The following LAMA2 variants were observed in gnomAD, a reference collection of about 807,000 sequenced individuals.
LAMA2 encodes laminin subunit alpha 2, also known as laminin subunit alpha-2.
LAMA2 carries 269 observed loss-of-function variants against 364.8 expected under a neutral mutation model. The ratio of observed to expected loss-of-function variants is 0.74; its 90% CI spans 0.67 to 0.82. LAMA2 has a LOEUF of 0.82. Among genes scored for constraint, LAMA2 ranks in the 40% least tolerant of loss-of-function variants. LAMA2 has a pLI of 0.00. For missense variants in LAMA2, 3,807 were observed against 3,873.2 expected (o/e 0.98, Z 0.45); for synonymous variants, 1,379 against 1,370.6 (o/e 1.01, Z -0.14).
rs761287964 is a variant in LAMA2, at chr6:129,407,521, G to A, written c.5865+3562G>A. Reference sequence around the variant, plus strand: ...GAAAGCAAATGAAGATATTTTCCTAGTACAAGTGTATACATGCACAAACAT... The same window carrying A: ...GAAAGCAAATGAAGATATTTTCCTAATACAAGTGTATACATGCACAAACAT... On this transcript the variant is annotated intron_variant, in intron 40 of 64. Coordinates refer to ENST00000421865, the MANE Select transcript of LAMA2 (RefSeq NM_000426.4). Among the ~76,000 whole-genome samples the A allele has an allele frequency of 1.5e-4, 23 of 152,176 alleles. 1 individual carries two copies. The highest frequency in any genetic ancestry group is 2.9e-4 in the Non-Finnish European group (20 of 68,032).
chr6:129,426,102 A>G (rs764676103), intron 40 of LAMA2, among the ~76,000 whole-genome samples: 49 of 152,116 alleles, frequency 3.2e-4, no homozygotes, highest in Non-Finnish European at 6.5e-4. Flanking sequence ...TTTTACCACA[A>G]TAAGGTTGGC....
chr6:129,333,946 C>A (rs544164363), intron 29 of LAMA2, among the ~76,000 whole-genome samples: 1 of 152,204 alleles, frequency 6.6e-6, no homozygotes, highest in Non-Finnish European at 1.5e-5. Context: ...TCTGAGGAAT[C>A]CCTAGATGAA....
At chr6:129,477,516 A>C (rs1309252620) in intron 53 of LAMA2, among the ~76,000 whole-genome samples, 1 of 152,168 alleles carries the variant, frequency 6.6e-6, no homozygotes, top group African/African-American at 2.4e-5. Context: ...AAGAACACTG[A>C]GTCTTGGAGA....
intron 8 of LAMA2, chr6:129,158,055 G>C: frequency 1.2e-6 from 2 of 1,612,324 alleles, no homozygotes; most frequent in Non-Finnish European, 1.7e-6. Flanking sequence ...AGCAATTGCG[G>C]GCTTTCCTTG....
chr6:129,025,257 A>AT (rs1450224029), intron 1 of LAMA2, among the ~76,000 whole-genome samples: 1 of 151,122 alleles, frequency 6.6e-6, no homozygotes, highest in Non-Finnish European at 1.5e-5. Context: ...GTTACAAAAA[A>AT]TTTTTTTTTT....
rs769282322 is a variant in LAMA2 at position 129,059,888 on chromosome 6, T to A, written c.388T>A (p.Leu130Ile). ...EYHYVTITLD[L>I]QQVFQIAYVI... ...CCATTATGTGACAATTACCCTGGAT[T>A]TACAGCAGGTATAGTTCCTCTTTTT... Residue 130 changes from leucine (L) to isoleucine (I), a missense_variant, in exon 3 of 65, where the codon TTA becomes ATA. Transcript: ENST00000421865. The A allele has an allele frequency of 2.0e-6, 3 of 1,507,442 alleles. No individual in the cohort carries two copies. The South Asian group carries it at 3.4e-5, about 17-fold the overall frequency. The allele number at this position is 1,507,442 out of a possible 1,614,324, so 93.4% of individuals were successfully genotyped here.
chr6:129,514,835 A>C (rs909466397), intron 64 of LAMA2, among the ~76,000 whole-genome samples: 1 of 152,180 alleles, frequency 6.6e-6, no homozygotes, highest in African/African-American at 2.4e-5. Context: ...CTTCGTGGAG[A>C]GATTGAAGCT....
intron 41 of LAMA2, 74 bp downstream of exon 41, chr6:129,427,928 T>G: frequency 1.1e-6 from 1 of 912,002 alleles, no homozygotes; most frequent in East Asian, 2.4e-5. Flanking sequence ...ATCACACTAT[T>G]GGAGAATGTA....
intron 12 of LAMA2, among the ~76,000 whole-genome samples, chr6:129,206,112 G>GGAAA (rs1355634863): frequency 2.1e-5 from 2 of 97,254 alleles, no homozygotes; most frequent in Non-Finnish European, 4.4e-5. Context: ...GAGGGAGGAA[G>GGAAA]GAAGGAAGGA....
At chr6:129,064,994 G>C (rs1444746302) in intron 3 of LAMA2, among the ~76,000 whole-genome samples, 2 of 152,130 alleles carry the variant, frequency 1.3e-5, no homozygotes, top group East Asian at 3.9e-4. Flanking sequence ...GATGAACATA[G>C]ATGCAAAACT....
chr6:129,244,723 G>A lies in LAMA2; in HGVS notation c.1783-5389G>A, dbSNP rs1224509289. Among the ~76,000 whole-genome samples, 4 of 151,636 alleles carry A rather than the reference G, an allele frequency of 2.6e-5. 1 individual carries two copies. The highest frequency in any genetic ancestry group is 3.4e-3 in the Middle Eastern group (1 of 294). ...CTCAATTCATATTTCTTGAGATTGA[G>A]AGGGAAAAAAAAAGAGGCCAGACCA... On this transcript the variant is annotated intron_variant, in intron 12 of 64. Coordinates refer to ENST00000421865, the MANE Select transcript of LAMA2 (RefSeq NM_000426.4).
At chr6:129,373,997 G>A (rs151308262) in intron 34 of LAMA2, among the ~76,000 whole-genome samples, 8 of 152,188 alleles carry the variant, frequency 5.3e-5, no homozygotes, top group Non-Finnish European at 1.0e-4. Context: ...CATAAAAGGC[G>A]CAGAAATAGG....
intron 9 of LAMA2, among the ~76,000 whole-genome samples, chr6:129,174,481 G>A (rs184365018): frequency 1.4e-4 from 20 of 147,684 alleles, no homozygotes; most frequent in African/African-American, 2.6e-4. Flanking sequence ...CTTATGTTTC[G>A]TAAGTGTGTG....
chr6:129,031,401 G>A (rs774742239), intron 1 of LAMA2, among the ~76,000 whole-genome samples: 1 of 152,010 alleles, frequency 6.6e-6, no homozygotes, highest in Non-Finnish European at 1.5e-5. Flanking sequence ...GCTGGGGGTG[G>A]GGGGAATAGA....
intron 51 of LAMA2, among the ~76,000 whole-genome samples, chr6:129,466,441 A>G (rs1783548105): frequency 6.6e-6 from 1 of 151,924 alleles, no homozygotes; most frequent in Non-Finnish European, 1.5e-5. Flanking sequence ...CATCAGAGAG[A>G]ATAACACATC....
chr6:129,294,440 C>T (rs1789944599), intron 20 of LAMA2, among the ~76,000 whole-genome samples: 1 of 152,014 alleles, frequency 6.6e-6, no homozygotes, highest in Non-Finnish European at 1.5e-5. Flanking sequence ...TAGTGAGGGC[C>T]CTCTTTCTCT....
At chr6:128,997,343 A>C (rs989472624) in intron 1 of LAMA2, among the ~76,000 whole-genome samples, 1 of 104,952 alleles carries the variant, frequency 9.5e-6, no homozygotes, top group Non-Finnish European at 2.1e-5. Flanking sequence ...AAAGAGAAAG[A>C]AAGAAAGAAA....
At chr6:129,362,015 C>T (rs981582539) in intron 32 of LAMA2, among the ~76,000 whole-genome samples, 1 of 151,852 alleles carries the variant, frequency 6.6e-6, no homozygotes, top group African/African-American at 2.4e-5. Context: ...AACTTCTCAC[C>T]TCAAGTGATC....
In LAMA2 at chr6:129,452,905, G is replaced by C; in HGVS notation, c.6430-83G>C. 3.3e-6 allele frequency: 4 copies of C among 1,215,132 alleles called. No homozygotes were observed. The South Asian group carries it at 4.9e-5, about 15-fold the overall frequency. The allele number at this position is 1,215,132 out of a possible 1,614,324, so 75.3% of individuals were successfully genotyped here. ...AAAATAACTTCAAAGAAGAAACGAT[G>C]ATGGCTTTGTGGTTGTATGGAAGCT... On this transcript the variant is annotated intron_variant, in intron 45 of 64. Coordinates refer to ENST00000421865, the MANE Select transcript of LAMA2 (RefSeq NM_000426.4).
Sources: allele counts gnomAD v4.1 joint callset (sites outside exome capture counted in the v4.1 genomes callset), GRCh38; gene constraint gnomAD v4.1.1; transcripts MANE v1.5; gene names NCBI Gene and HGNC (gene_info 2026-07-23, HGNC 2026-07-21).